FANCA: variants seen among roughly 807,000 people sequenced by gnomAD.
The protein encoded by FANCA is Fanconi anemia group A protein.
FANCA carries 236 observed loss-of-function variants against 194.3 expected under a neutral mutation model. The ratio of observed to expected loss-of-function variants is 1.21; its 90% CI spans 1.09 to 1.35. The LOEUF (loss-of-function observed/expected upper bound fraction) is 1.35, where lower values mean the gene tolerates loss of function less well. Ranked by LOEUF, FANCA falls within the 40% of genes most tolerant of loss-of-function variation. The pLI is 0.00. For synonymous variants in FANCA, 1,014 were observed against 715.8 expected, an observed-to-expected ratio of 1.42 and a Z score of -6.65; for missense variants, 2,628 against 1,813.9, an observed-to-expected ratio of 1.45 and a Z score of -8.15.
intron 30 of FANCA, among the ~76,000 whole-genome samples, chr16:89,756,310 T>C (rs1412787210): frequency 6.6e-6 from 1 of 152,156 alleles, no homozygotes; most frequent in Non-Finnish European, 1.5e-5. Context: ...CACTATCAAA[T>C]AGCACTTAAT....
At chr16:89,802,054 G>A (rs1203878334) in intron 8 of FANCA, among the ~76,000 whole-genome samples, 2 of 152,174 alleles carry the variant, frequency 1.3e-5, no homozygotes, top group African/African-American at 4.8e-5. Flanking sequence ...AAATCAACCT[G>A]TGTGCCCAAC....
intron 28 of FANCA, 45 bp downstream of exon 28, chr16:89,764,845 A>G: frequency 6.2e-7 from 1 of 1,604,142 alleles, no homozygotes; most frequent in Non-Finnish European, 8.5e-7. Flanking sequence ...CACAAACCCT[A>G]GACTCAGGAC....
chr16:89,753,920 T>C (rs1430521777), intron 30 of FANCA, among the ~76,000 whole-genome samples: 2 of 152,186 alleles, frequency 1.3e-5, no homozygotes, highest in South Asian at 2.1e-4. Flanking sequence ...ACGGGCGTGT[T>C]AGCGGACGCC....
At chr16:89,812,532 G>C (rs566196023) in intron 3 of FANCA, among the ~76,000 whole-genome samples, 1 of 150,908 alleles carries the variant, frequency 6.6e-6, no homozygotes, top group South Asian at 2.1e-4. Context: ...TGTAATACCA[G>C]CTACTCAGGA....
intron 36 of FANCA, among the ~76,000 whole-genome samples, chr16:89,744,265 A>G (rs543538002): frequency 7.9e-5 from 12 of 152,288 alleles, no homozygotes; most frequent in African/African-American, 2.9e-4. Context: ...TCAGTGATTC[A>G]AAACTAGTCA....
chr16:89,805,315 C>T lies in FANCA; in HGVS notation c.674G>A (p.Cys225Tyr), dbSNP rs1387205984. The T allele has an allele frequency of 6.2e-7, 1 of 1,613,902 alleles. No individual in the cohort carries two copies. Among genetic ancestry groups the T allele is most frequent in the African/African-American group, 1.3e-5 (1 of 74,916 alleles). Residue 225 changes from cysteine to tyrosine, a missense_variant, in exon 7 of 43, where the codon TGC (cysteine) becomes TAC (tyrosine). Cys to Tyr is a radical substitution (Grantham distance 194). Coordinates refer to ENST00000389301, the MANE Select transcript of FANCA (RefSeq NM_000135.4). ...GGCCCTGGCGACGTCAGCATGCTGG[C>T]AGGATGCTTCCATCTGTTCACAAAG... ...CCLCEQMEASCQHADVARAML... is the reference protein window; with the variant it reads ...CCLCEQMEASYQHADVARAML...
intron 15 of FANCA, among the ~76,000 whole-genome samples, chr16:89,783,649 G>A (rs544805789): frequency 1.1e-4 from 16 of 152,210 alleles, no homozygotes; most frequent in Admixed American, 5.9e-4. Context: ...AGTCCAGGGC[G>A]GCTCACTGGG....
At chr16:89,816,042 C>A in intron 1 of FANCA, 56 bp from the exon 2 acceptor site, 2 of 1,340,020 alleles carry the variant, frequency 1.5e-6, no homozygotes, top group Non-Finnish European at 1.1e-6. Flanking sequence ...ACGGGGTCCC[C>A]GGCCCGACGC....
chr16:89,755,018 A>T (rs1331351036), intron 30 of FANCA, among the ~76,000 whole-genome samples: 2 of 152,318 alleles, frequency 1.3e-5, no homozygotes. Context: ...CATCCCAATG[A>T]CGCAGTGCAT....
At chr16:89,755,926 A>G (rs896712595) in intron 30 of FANCA, among the ~76,000 whole-genome samples, 1 of 151,470 alleles carries the variant, frequency 6.6e-6, no homozygotes, top group South Asian at 2.1e-4. Flanking sequence ...CACCGCGCAG[A>G]AACAGACCAG....
At chr16:89,743,022 C>T (rs1598063602) in intron 36 of FANCA, 84 bp from the exon 37 acceptor site, 5 of 1,508,796 alleles carry the variant, frequency 3.3e-6, no homozygotes, top group East Asian at 2.3e-5. Context: ...TCCCACCTGT[C>T]ACCTTTGGGG....
chr16:89,773,741 T>C (rs1264803645), intron 21 of FANCA, among the ~76,000 whole-genome samples: 2 of 151,152 alleles, frequency 1.3e-5, no homozygotes, highest in East Asian at 3.9e-4. Context: ...GGATCACGGA[T>C]AGGTGACCAT....
At chr16:89,740,318 C>T (rs371079681) in intron 38 of FANCA, 18 of 579,106 alleles carry the variant, frequency 3.1e-5, no homozygotes, top group East Asian at 2.0e-4. Context: ...AAGGCTGCTG[C>T]ACCACGTCCT....
At chr16:89,751,082 G>A (rs1451314428) in intron 31 of FANCA, among the ~76,000 whole-genome samples, 2 of 152,032 alleles carry the variant, frequency 1.3e-5, no homozygotes, top group Non-Finnish European at 2.9e-5. Context: ...TAGTAGAGAT[G>A]GGGTTTCACC....
chr16:89,784,471 G>C (rs981910032), intron 15 of FANCA, among the ~76,000 whole-genome samples: 31 of 148,838 alleles, frequency 2.1e-4, no homozygotes, highest in Non-Finnish European at 3.4e-4. Flanking sequence ...CCTCACTGCA[G>C]TACAACTCGC....
chr16:89,789,333 G>A (rs1256585265), intron 14 of FANCA, among the ~76,000 whole-genome samples: 3 of 151,238 alleles, frequency 2.0e-5, no homozygotes, highest in Admixed American at 6.6e-5. Context: ...CCGCAGCCAC[G>A]ATGGCGATGC....
In FANCA at chr16:89,816,636, C is replaced by T. The variant is rs889664442; in HGVS notation, c.-21G>A. 14 of 1,516,712 alleles carry T rather than the reference C, an allele frequency of 9.2e-6. No homozygotes were observed. Among genetic ancestry groups the T allele is most frequent in the East Asian group, 2.6e-5 (1 of 38,750 alleles). 94.0% of individuals were successfully genotyped at this position (1,516,712 alleles called of 1,614,324 possible). Reference sequence around the variant, plus strand: ...GACATGGCCTTGGCGCCTACAGCCCCGGCGGCGGCTCCCTGCGCCCGAGCC... The same window carrying T: ...GACATGGCCTTGGCGCCTACAGCCCTGGCGGCGGCTCCCTGCGCCCGAGCC... On this transcript the variant is annotated 5_prime_UTR_variant, in exon 1 of 43. Coordinates refer to ENST00000389301, the MANE Select transcript of FANCA (RefSeq NM_000135.4).
At chr16:89,788,713 C>A (rs568975524) in intron 14 of FANCA, among the ~76,000 whole-genome samples, 1 of 151,924 alleles carries the variant, frequency 6.6e-6, no homozygotes, top group Admixed American at 6.6e-5. Flanking sequence ...GGCAGGAGGA[C>A]TGCTTGACCC....
rs762962148 is a variant in FANCA at position 89,815,919 on chromosome 16, G to C, written c.147C>G (p.Arg49=). 5 of 1,614,010 alleles carry C rather than the reference G, an allele frequency of 3.1e-6. No individual in the cohort carries two copies. The highest frequency in any genetic ancestry group is 4.2e-6 in the Non-Finnish European group (5 of 1,179,968). Residue 49 remains arginine (R), a synonymous_variant, in exon 2 of 43, where the codon CGC becomes CGG. Coordinates refer to ENST00000389301, the MANE Select transcript of FANCA (RefSeq NM_000135.4). The stretch of plus-strand genomic sequence containing the variant: ...TCAGGTCCTGATGGCTTCGCAGGAG[G>C]CGCACAGCTGATTCCTTTAATTTCT... ...RAQKLKESAV[R]LLRSHQDLNA...
Sources: gnomAD v4.1 joint callset for allele counts (sites outside exome capture counted in the v4.1 genomes callset) on GRCh38, gnomAD v4.1.1 for gene constraint, MANE v1.5 for transcripts, NCBI Gene and HGNC (gene_info 2026-07-23, HGNC 2026-07-21) for gene names.